Variants in PCDHGA11 observed in about 807,000 individuals in gnomAD.
PCDHGA11 encodes the protein protocadherin gamma-A11.
PCDHGA11 carries 39 observed loss-of-function variants against 60.4 expected under a neutral mutation model. The ratio of observed to expected loss-of-function variants is 0.65; its 90% CI spans 0.50 to 0.84. PCDHGA11 has a LOEUF of 0.84. Ranked by LOEUF, PCDHGA11 falls within the 40% of genes least tolerant of loss-of-function variation. The probability of loss-of-function intolerance (pLI) is 0.00; values close to 1 mark genes in which losing one functional copy is unlikely to be tolerated. For synonymous variants in PCDHGA11, 533 were observed against 510.3 expected (o/e 1.04, Z -0.60); for missense variants, 1,165 against 1,197.7 (o/e 0.97, Z 0.40).
chr5:141,421,983 T>G lies in PCDHGA11; in HGVS notation c.756T>G (p.Val252=). 6.2e-7 allele frequency: 1 copy of G among 1,609,228 alleles called. No individual in the cohort carries two copies. The highest frequency in any genetic ancestry group is 8.5e-7 in the Non-Finnish European group (1 of 1,177,862). The change falls in exon 1 of 4, where the codon GTT becomes GTG. Residue 252 remains valine (V), a synonymous_variant. Coordinates refer to ENST00000398587, the MANE Select transcript of PCDHGA11 (RefSeq NM_018914.3). ...CACAGTCCGTATATCGCGTGAGTGT[T>G]CCAGAAAACATCAGCTCCGGAACTC... The part of the protein sequence containing the change: ...MFTQSVYRVS[V]PENISSGTRV...
intron 1 of PCDHGA11, among the ~76,000 whole-genome samples, chr5:141,481,259 C>T (rs1176419744): frequency 1.3e-5 from 2 of 152,146 alleles, no homozygotes; most frequent in African/African-American, 4.8e-5. Context: ...TCTAAAAGAT[C>T]ACTGTAGGAA....
chr5:141,428,121 G>T (rs764584436), intron 1 of PCDHGA11: 1 of 1,605,860 alleles, frequency 6.2e-7, no homozygotes. Context: ...CATCGAGCCC[G>T]GGCTTTTCAG....
chr5:141,457,635 T>G (rs1242403589), intron 1 of PCDHGA11, among the ~76,000 whole-genome samples: 2 of 152,270 alleles, frequency 1.3e-5, no homozygotes, highest in African/African-American at 4.8e-5. Flanking sequence ...ATACTTGGCC[T>G]GATTATTTGC....
chr5:141,454,762 G>C (rs889314181), intron 1 of PCDHGA11, among the ~76,000 whole-genome samples: 4 of 115,056 alleles, frequency 3.5e-5, no homozygotes, highest in African/African-American at 6.6e-5. Context: ...ATCTTGACAT[G>C]TTTTTTACAA....
At chr5:141,441,948 G>A in intron 1 of PCDHGA11, 1 of 332,472 alleles carries the variant, frequency 3.0e-6, no homozygotes, top group Non-Finnish European at 5.8e-6. Flanking sequence ...ACGTGCTGCA[G>A]GCCAGCAAGC....
At chr5:141,426,937 C>T in intron 1 of PCDHGA11, 1 of 456,736 alleles carries the variant, frequency 2.2e-6, no homozygotes, top group Non-Finnish European at 4.4e-6. Flanking sequence ...ATGGGTGACC[C>T]AGTCCCAACT....
chr5:141,481,317 C>T (rs2099535550), intron 1 of PCDHGA11, among the ~76,000 whole-genome samples: 1 of 152,182 alleles, frequency 6.6e-6, no homozygotes, highest in African/African-American at 2.4e-5. Context: ...CTTCCTAAAG[C>T]ACTAGCCCCT....
Position 141,486,046 on chromosome 5 carries a change from C to G in PCDHGA11, c.2434-8761C>G. 1.2e-6 allele frequency: 2 copies of G among 1,614,170 alleles called. No individual in the cohort carries two copies. Among genetic ancestry groups the G allele is most frequent in the Non-Finnish European group, 1.7e-6 (2 of 1,180,036 alleles). The stretch of plus-strand genomic sequence containing the variant: ...GTCATACCCCTGATCGTGTAAGAAA[C>G]CTCTTTAGCCTGCACCCCACTACTG... On this transcript the variant is annotated intron_variant, in intron 1 of 3. Coordinates refer to ENST00000398587, the MANE Select transcript of PCDHGA11 (RefSeq NM_018914.3). This position sits in a 1 kb window ranked among gnomAD's most constrained non-coding sequence, Gnocchi z 5.0.
At chr5:141,443,199 G>C (rs936013020) in intron 1 of PCDHGA11, among the ~76,000 whole-genome samples, 1 of 152,002 alleles carries the variant, frequency 6.6e-6, no homozygotes. Context: ...ATAGTACAAA[G>C]AGCTTGTCTC....
chr5:141,502,864 G>T (rs1595824348), intron 2 of PCDHGA11, among the ~76,000 whole-genome samples: 4 of 61,548 alleles, frequency 6.5e-5, no homozygotes, highest in African/African-American at 2.4e-4. Flanking sequence ...CTGACTCTCT[G>T]TCTTTTTTTT....
rs930695301 is a variant in PCDHGA11, at chr5:141,472,874, T to C, written c.2434-21933T>C. On this transcript the variant is annotated intron_variant, in intron 1 of 3. Coordinates refer to ENST00000398587, the MANE Select transcript of PCDHGA11 (RefSeq NM_018914.3). ...GGTGGCACATGCCTGTATTCCCAGC[T>C]ACTCGGGAGGCTGAGGCAGGAGAAT... Among the ~76,000 whole-genome samples, 5 of 150,448 alleles carry C rather than the reference T, an allele frequency of 3.3e-5. No homozygotes were observed. In the Admixed American group the frequency reaches 3.3e-4, roughly 10 times the overall value.
At chr5:141,492,189 G>C (rs2099737936) in intron 1 of PCDHGA11, among the ~76,000 whole-genome samples, 1 of 152,204 alleles carries the variant, frequency 6.6e-6, no homozygotes, top group Non-Finnish European at 1.5e-5. Context: ...GCACCTGTCT[G>C]CGGGACTTAG....
At chr5:141,430,252 A>C (rs1292590200) in intron 1 of PCDHGA11, among the ~76,000 whole-genome samples, 1 of 102,244 alleles carries the variant, frequency 9.8e-6, no homozygotes, top group Admixed American at 1.0e-4. Context: ...CTAGGGAGAC[A>C]TCTCCATAAT....
At chr5:141,479,633 T>TAACAAC (rs749744124) in intron 1 of PCDHGA11, 1 of 152,114 alleles carries the variant, frequency 6.6e-6, no homozygotes, top group Admixed American at 6.5e-5. Flanking sequence ...TCTTTAACAA[T>TAACAAC]AACAACAACA....
At chr5:141,463,653 G>T (rs1378583183) in intron 1 of PCDHGA11, among the ~76,000 whole-genome samples, 1 of 151,764 alleles carries the variant, frequency 6.6e-6, no homozygotes. Context: ...GGGTTTCACC[G>T]TGTTAGCCAG....
rs1368632691 is a variant in PCDHGA11 at position 141,485,071 on chromosome 5, C to A, written c.2434-9736C>A. ...GCCGGCCGAACCGCGCCAGAGCTGG[C>A]GCGGGGAAAGGGAGATAGGTGTCTC... On this transcript the variant is annotated intron_variant, in intron 1 of 3. Coordinates refer to ENST00000398587, the MANE Select transcript of PCDHGA11 (RefSeq NM_018914.3). This position sits in a 1 kb window ranked among gnomAD's most constrained non-coding sequence, Gnocchi z 5.7. 3.3e-6 allele frequency: 3 copies of A among 913,030 alleles called. No individual in the cohort carries two copies. Among genetic ancestry groups the A allele is most frequent in the Non-Finnish European group, 5.1e-6 (3 of 584,604 alleles). 56.6% of individuals were successfully genotyped at this position (913,030 alleles called of 1,614,324 possible).
chr5:141,465,049 T>G (rs546927594), intron 1 of PCDHGA11, among the ~76,000 whole-genome samples: 1 of 152,016 alleles, frequency 6.6e-6, no homozygotes, highest in Non-Finnish European at 1.5e-5. Flanking sequence ...ACCCTATATA[T>G]TTTTTTGAAT....
chr5:141,455,130 A>T (rs1446894125), intron 1 of PCDHGA11, among the ~76,000 whole-genome samples: 2 of 150,970 alleles, frequency 1.3e-5, no homozygotes, highest in African/African-American at 4.8e-5. Flanking sequence ...GTTTTAAATT[A>T]CACTGTGTTA....
At chr5:141,446,312 T>C (rs2098498076) in intron 1 of PCDHGA11, among the ~76,000 whole-genome samples, 1 of 152,208 alleles carries the variant, frequency 6.6e-6, no homozygotes, top group African/African-American at 2.4e-5. Flanking sequence ...GAGTGATTCC[T>C]GGGTTTCCAC....
Sources: allele counts gnomAD v4.1 joint callset (sites outside exome capture counted in the v4.1 genomes callset), GRCh38; gene constraint gnomAD v4.1.1; non-coding constraint Gnocchi (gnomAD v3.1); transcripts MANE v1.5; gene names NCBI Gene and HGNC (gene_info 2026-07-23, HGNC 2026-07-21).